GALNT14: variants seen among roughly 807,000 people sequenced by gnomAD.
The protein encoded by GALNT14 is polypeptide N-acetylgalactosaminyltransferase 14, also known as UDP-GalNAc:polypeptide N-acetylgalactosaminyltransferase 14.
Under a neutral mutation model 77.5 loss-of-function variants are expected in GALNT14, and 60 were observed. The observed-to-expected ratio is 0.77, with a 90% CI of 0.63 to 0.96. The LOEUF is 0.96. GALNT14 is among the 40% of genes least tolerant of loss of function. GALNT14 has a pLI of 0.00. For synonymous variants in GALNT14, 280 were observed against 281.7 expected, an observed-to-expected ratio of 0.99 and a Z score of 0.06; for missense variants, 710 against 731.0, an observed-to-expected ratio of 0.97 and a Z score of 0.33.
chr2:31,121,905 G>T (rs888164429), intron 1 of GALNT14, among the ~76,000 whole-genome samples: 1 of 152,150 alleles, frequency 6.6e-6, no homozygotes, highest in Non-Finnish European at 1.5e-5. Flanking sequence ...AGATCCAAAT[G>T]CTTCCTGGCT....
At chr2:31,116,546 C>G (rs1343246563) in intron 1 of GALNT14, among the ~76,000 whole-genome samples, 1 of 151,846 alleles carries the variant, frequency 6.6e-6, no homozygotes, top group East Asian at 1.9e-4. Context: ...TCACTAAGAA[C>G]AAAACAAAAT....
At chr2:31,038,617 G>T (rs574860240) in intron 1 of GALNT14, among the ~76,000 whole-genome samples, 2 of 152,268 alleles carry the variant, frequency 1.3e-5, no homozygotes, top group South Asian at 2.1e-4. Context: ...TGGCTGCTAG[G>T]CTGCTGATTT....
At chr2:31,054,838 A>G (rs1182652821) in intron 1 of GALNT14, among the ~76,000 whole-genome samples, 1 of 152,206 alleles carries the variant, frequency 6.6e-6, no homozygotes, top group Admixed American at 6.5e-5. Flanking sequence ...TTGATTATTA[A>G]AAGTGGAAAA....
chr2:31,063,662 T>C (rs1184032238), intron 1 of GALNT14, among the ~76,000 whole-genome samples: 2 of 152,222 alleles, frequency 1.3e-5, no homozygotes, highest in Non-Finnish European at 2.9e-5. Context: ...GTATGGCCAC[T>C]TTCACGATAT....
chr2:30,943,143 T>G (rs574902538), intron 8 of GALNT14, among the ~76,000 whole-genome samples: 2 of 152,266 alleles, frequency 1.3e-5, no homozygotes, highest in African/African-American at 4.8e-5. Context: ...ACGATACATT[T>G]CTGTTGTTTA....
intron 1 of GALNT14, among the ~76,000 whole-genome samples, chr2:31,035,630 C>CACACCT (rs2148488632): frequency 7.0e-6 from 1 of 142,626 alleles, no homozygotes; most frequent in Non-Finnish European, 1.5e-5. Context: ...CACACACACA[C>CACACCT]ACACACACAC....
intron 1 of GALNT14, among the ~76,000 whole-genome samples, chr2:30,995,597 G>A (rs1031551268): frequency 3.3e-5 from 5 of 152,120 alleles, no homozygotes; most frequent in Non-Finnish European, 5.9e-5. Flanking sequence ...GGGCTCCAGC[G>A]ATCCTCCTAT....
chr2:31,107,171 T>C (rs1677602240), intron 1 of GALNT14, among the ~76,000 whole-genome samples: 2 of 152,224 alleles, frequency 1.3e-5, no homozygotes, highest in Admixed American at 1.3e-4. Flanking sequence ...TGATCCTTTG[T>C]ATAAATGCAC....
chr2:30,889,543 T>C, the GALNT14 span, among the ~76,000 whole-genome samples: 1 of 152,190 alleles, frequency 6.6e-6, no homozygotes, highest in Non-Finnish European at 1.5e-5. Flanking sequence ...CCACATCTCA[T>C]CAGATTCTCA....
chr2:31,026,499 C>G (rs1029905773), intron 1 of GALNT14, among the ~76,000 whole-genome samples: 2 of 152,176 alleles, frequency 1.3e-5, no homozygotes, highest in African/African-American at 4.8e-5. Flanking sequence ...CCTGCCCTGG[C>G]TCAGAGATGA....
At chr2:30,913,232 C>T (rs968590017) in intron 13 of GALNT14, among the ~76,000 whole-genome samples, 1 of 152,118 alleles carries the variant, frequency 6.6e-6, no homozygotes, top group Non-Finnish European at 1.5e-5. Context: ...GTAATATTTA[C>T]CCTTTGCCTC....
At chr2:30,956,031 T>TA in intron 4 of GALNT14, 54 bp from the exon 5 acceptor site, 1 of 1,573,932 alleles carries the variant, frequency 6.4e-7, no homozygotes, top group South Asian at 1.1e-5. Context: ...ACCTACGTGT[T>TA]ACAATTGTGT....
At chr2:30,951,757 C>T (rs1272211543) in intron 6 of GALNT14, among the ~76,000 whole-genome samples, 1 of 152,216 alleles carries the variant, frequency 6.6e-6, no homozygotes, top group African/African-American at 2.4e-5. Context: ...CGGCTGCACC[C>T]ATAGAGGCCT....
chr2:30,982,602 A>G (rs1004193859), intron 2 of GALNT14, among the ~76,000 whole-genome samples: 6 of 152,338 alleles, frequency 3.9e-5, no homozygotes, highest in Admixed American at 1.3e-4. Flanking sequence ...TTCAAAACCA[A>G]GCAACATCAA....
chr2:30,911,549 A>T (rs1280399215), intron 14 of GALNT14, among the ~76,000 whole-genome samples: 3 of 152,108 alleles, frequency 2.0e-5, no homozygotes, highest in Admixed American at 2.0e-4. Context: ...CAAAGGAGGG[A>T]CTGGACACAT....
chr2:31,086,235 G>C lies in GALNT14; in HGVS notation c.129+51723C>G, dbSNP rs377025332. The stretch of plus-strand genomic sequence containing the variant: ...CTAAACCTTGGTCTTCAGGCACATA[G>C]AGTTGCTAGCACTCAACTTGCGGCT... On this transcript the variant is annotated intron_variant, in intron 1 of 14. Transcript: ENST00000349752. Among the ~76,000 whole-genome samples the C allele has an allele frequency of 2.5e-3, 377 of 152,288 alleles. 3 individuals carry two copies. The highest frequency in any genetic ancestry group is 8.8e-3 in the African/African-American group (365 of 41,560).
At chr2:31,064,327 T>C (rs1674797617) in intron 1 of GALNT14, among the ~76,000 whole-genome samples, 1 of 152,226 alleles carries the variant, frequency 6.6e-6, no homozygotes, top group African/African-American at 2.4e-5. Flanking sequence ...AGGAGAATAA[T>C]ATAAGATGGT....
chr2:30,979,665 A>G (rs1862971), intron 2 of GALNT14, among the ~76,000 whole-genome samples: 46,365 of 152,064 alleles, frequency 0.3, 9,215 homozygotes, highest in East Asian at 0.56. Context: ...CTTGCCCCTC[A>G]CTAGGCCAGT....
intron 1 of GALNT14, among the ~76,000 whole-genome samples, chr2:31,071,704 T>C (rs1675380968): frequency 6.6e-6 from 1 of 152,210 alleles, no homozygotes. Flanking sequence ...TGAGCCTCCC[T>C]TCCTCTGGCC....
Sources: allele counts gnomAD v4.1 joint callset (sites outside exome capture counted in the v4.1 genomes callset), GRCh38; gene constraint gnomAD v4.1.1; transcripts MANE v1.5; gene names NCBI Gene and HGNC (gene_info 2026-07-23, HGNC 2026-07-21).